The following STK39 variants were observed in gnomAD, a reference collection of about 807,000 sequenced individuals.
STK39 encodes serine/threonine kinase 39, also known as STE20/SPS1-related proline-alanine-rich protein kinase.
In STK39, 20 loss-of-function variants were observed where a neutral mutation model predicts 77.8. The observed-to-expected ratio is 0.26, with a 90% CI of 0.18 to 0.37. The LOEUF is 0.37. STK39 is among the 10% of genes least tolerant of loss of function. The pLI, the probability that STK39 is intolerant of heterozygous loss-of-function variation, is 1.00. For missense variants in STK39, 479 were observed against 656.5 expected (o/e 0.73, Z 2.95); for synonymous variants, 246 against 234.1 (o/e 1.05, Z -0.47).
intron 16 of STK39, among the ~76,000 whole-genome samples, chr2:167,986,266 T>TA (rs1444459273): frequency 6.6e-6 from 1 of 152,124 alleles, no homozygotes; most frequent in African/African-American, 2.4e-5. Context: ...ACAGGAGAAA[T>TA]AAGACAGCCT....
intron 2 of STK39, among the ~76,000 whole-genome samples, chr2:168,169,379 A>C (rs961868643): frequency 6.6e-6 from 1 of 152,224 alleles, no homozygotes; most frequent in Non-Finnish European, 1.5e-5. Flanking sequence ...GTGTTCAAAG[A>C]AACGAGAACA....
intron 14 of STK39, among the ~76,000 whole-genome samples, chr2:168,061,954 C>G (rs987485917): frequency 4.6e-5 from 7 of 152,070 alleles, no homozygotes; most frequent in African/African-American, 1.7e-4. Context: ...CATAGGAGCC[C>G]AGAACAGAAA....
chr2:168,241,926 A>G (rs995918510), intron 1 of STK39, among the ~76,000 whole-genome samples: 6 of 152,206 alleles, frequency 3.9e-5, no homozygotes, highest in African/African-American at 1.4e-4. Flanking sequence ...AGCGTCAGTG[A>G]CCGCCATTGC....
At chr2:167,964,749 G>A in intron 16 of STK39, 23 bp from the exon 17 acceptor site, 2 of 1,586,052 alleles carry the variant, frequency 1.3e-6, no homozygotes, top group South Asian at 2.3e-5. Flanking sequence ...AACGTAGAGA[G>A]AAAGTTTCCA....
chr2:168,170,782 T>C (rs925737424), intron 2 of STK39, among the ~76,000 whole-genome samples: 1 of 152,132 alleles, frequency 6.6e-6, no homozygotes, highest in Non-Finnish European at 1.5e-5. Flanking sequence ...TGAGTCTAAC[T>C]GGAGGAGAGT....
intron 5 of STK39, among the ~76,000 whole-genome samples, chr2:168,155,463 T>C (rs920735333): frequency 6.6e-6 from 1 of 152,208 alleles, no homozygotes; most frequent in Non-Finnish European, 1.5e-5. Flanking sequence ...AATTCATGTA[T>C]GAGAATTTTG....
intron 14 of STK39, among the ~76,000 whole-genome samples, chr2:168,023,477 G>A (rs1479498131): frequency 6.6e-6 from 1 of 152,124 alleles, no homozygotes; most frequent in Non-Finnish European, 1.5e-5. Flanking sequence ...TGCGATTGAA[G>A]TATATATTTT....
intron 5 of STK39, among the ~76,000 whole-genome samples, chr2:168,158,058 A>G (rs1409869065): frequency 6.6e-6 from 1 of 152,208 alleles, no homozygotes; most frequent in Non-Finnish European, 1.5e-5. Flanking sequence ...TTGCCAAAGC[A>G]CTAAGCTCTT....
At chr2:168,150,435 C>T (rs1027444626) in intron 5 of STK39, among the ~76,000 whole-genome samples, 5 of 152,134 alleles carry the variant, frequency 3.3e-5, no homozygotes, top group Non-Finnish European at 7.3e-5. Context: ...TTTGGGAATA[C>T]ACAGATTTTT....
chr2:168,131,637 C>G (rs1348625563), intron 8 of STK39, among the ~76,000 whole-genome samples: 1 of 152,168 alleles, frequency 6.6e-6, no homozygotes. Flanking sequence ...AAGTGGAACA[C>G]TGGTTATGGG....
intron 10 of STK39, among the ~76,000 whole-genome samples, chr2:168,123,907 A>ACAAGT (rs2105495251): frequency 6.6e-6 from 1 of 151,250 alleles, no homozygotes; most frequent in Admixed American, 6.6e-5. Context: ...AACAAACAGG[A>ACAAGT]CAAGTTCTCA....
At chr2:168,140,432 C>T in intron 6 of STK39, 42 bp from the exon 7 acceptor site, 2 of 1,503,348 alleles carry the variant, frequency 1.3e-6, no homozygotes, top group Non-Finnish European at 9.3e-7. Flanking sequence ...ATACAGCAGG[C>T]ATGTTACACA....
intron 2 of STK39, among the ~76,000 whole-genome samples, chr2:168,171,218 T>A (rs1002495920): frequency 6.6e-6 from 1 of 152,118 alleles, no homozygotes; most frequent in Non-Finnish European, 1.5e-5. Context: ...AGATCCCCTA[T>A]CCACCTGCTA....
chr2:168,139,408 T>TTATATATA (rs71003023), intron 7 of STK39, among the ~76,000 whole-genome samples: 55 of 144,522 alleles, frequency 3.8e-4, no homozygotes, highest in Admixed American at 1.2e-3. Context: ...TAAAAAAAAT[T>TTATATATA]TATATATATA....
chr2:168,033,981 T>A (rs1305468202), intron 14 of STK39, among the ~76,000 whole-genome samples: 1 of 152,192 alleles, frequency 6.6e-6, no homozygotes, highest in Non-Finnish European at 1.5e-5. Context: ...ATATGTATAA[T>A]CTTTAGGTGT....
At chr2:168,091,767 T>C (rs1486182163) in intron 10 of STK39, among the ~76,000 whole-genome samples, 1 of 152,206 alleles carries the variant, frequency 6.6e-6, no homozygotes, top group Non-Finnish European at 1.5e-5. Flanking sequence ...TTCAACATTA[T>C]CAACATTTTG....
At chr2:167,975,101 T>C (rs1004751005) in intron 16 of STK39, among the ~76,000 whole-genome samples, 10 of 152,366 alleles carry the variant, frequency 6.6e-5, no homozygotes, top group African/African-American at 2.2e-4. Flanking sequence ...CATGGACTCA[T>C]GGAGAACCAT....
intron 14 of STK39, among the ~76,000 whole-genome samples, chr2:168,057,224 G>A (rs1003974066): frequency 3.3e-5 from 5 of 152,212 alleles, no homozygotes; most frequent in African/African-American, 7.2e-5. Flanking sequence ...ACAGAGTCTC[G>A]CTCTGTCGCC....
intron 1 of STK39, among the ~76,000 whole-genome samples, chr2:168,243,183 A>G (rs999486754): frequency 2.0e-5 from 3 of 152,200 alleles, no homozygotes; most frequent in African/African-American, 7.2e-5. Flanking sequence ...TGCCTCTAGG[A>G]TATCTATAAA....
Sources: gnomAD v4.1 joint callset for allele counts (sites outside exome capture counted in the v4.1 genomes callset) on GRCh38, gnomAD v4.1.1 for gene constraint, MANE v1.5 for transcripts, NCBI Gene and HGNC (gene_info 2026-07-23, HGNC 2026-07-21) for gene names.